The following PPIE variants were observed in gnomAD, a reference collection of about 807,000 sequenced individuals.
PPIE encodes peptidylprolyl isomerase E.
Under a neutral mutation model 38.4 loss-of-function variants are expected in PPIE, and 20 were observed. The ratio of observed to expected loss-of-function variants is 0.52; its 90% CI spans 0.37 to 0.76. The LOEUF (loss-of-function observed/expected upper bound fraction) is 0.76. Among genes scored for constraint, PPIE ranks in the 30% least tolerant of loss-of-function variants. The probability of loss-of-function intolerance (pLI) is 0.00; values close to 1 mark genes in which losing one functional copy is unlikely to be tolerated. For missense variants in PPIE, 322 were observed against 385.8 expected, an observed-to-expected ratio of 0.83 and a Z score of 1.39; for synonymous variants, 142 against 135.7, an observed-to-expected ratio of 1.05 and a Z score of -0.32.
intron 7 of PPIE, chr1:39,747,914 T>C (rs1647305495): frequency 6.7e-6 from 1 of 150,058 alleles, no homozygotes; most frequent in African/African-American, 2.5e-5. Context: ...ATCTTTGGCT[T>C]ATTTATTAAC....
rs199566801 is a variant in PPIE, at chr1:39,762,587, G to GC, written c.838-1102_838-1101insC. The GC allele has an allele frequency of 5.2e-4, 808 of 1,549,806 alleles. 2 individuals are homozygous for GC. The African/African-American group carries it at 9.5e-3, about 18-fold the overall frequency. ...AACAAAGATGGCCAAGAGAGAAACT[G>GC]GGGGAAAAGCCAAAAGGTTGAGAGC... On this transcript the variant is annotated intron_variant, in intron 9 of 9. Transcript: ENST00000356511.
At chr1:39,760,248 C>G (rs1300095070), downstream of PPIE, 4 of 1,127,292 alleles carry the variant, frequency 3.5e-6, no homozygotes, top group Non-Finnish European at 4.9e-6. Flanking sequence ...CCTGGCAGGG[C>G]AAGGGGAGCA....
chr1:39,742,129 T>C, intron 4 of PPIE: 1 of 561,556 alleles, frequency 1.8e-6, no homozygotes. Flanking sequence ...ATGTAAGTCC[T>C]CATCATCCTT....
intron 8 of PPIE, among the ~76,000 whole-genome samples, chr1:39,750,564 C>T (rs1647617462): frequency 6.6e-6 from 1 of 152,192 alleles, no homozygotes; most frequent in African/African-American, 2.4e-5. Context: ...AGTATCATAT[C>T]AGTGCTCGTG....
At chr1:39,743,181 G>A (rs369751078) in intron 4 of PPIE, 35 bp from the exon 5 acceptor site, 36 of 1,583,992 alleles carry the variant, frequency 2.3e-5, no homozygotes, top group Non-Finnish European at 3.0e-5. Flanking sequence ...TTTAACCTAA[G>A]AGAGTTTAAG....
At position 39,753,505 on chromosome 1, in the gene PPIE, C is replaced by T; in HGVS notation, c.*150C>T. 1 of 1,445,740 alleles carries T rather than the reference C, an allele frequency of 6.9e-7. No individual in the cohort carries two copies. Among genetic ancestry groups the T allele is most frequent in the Non-Finnish European group, 9.1e-7 (1 of 1,102,524 alleles). The allele number at this position is 1,445,740 out of a possible 1,614,324, so 89.6% of individuals were successfully genotyped here. On this transcript the variant is annotated 3_prime_UTR_variant, in exon 10 of 10. Transcript: ENST00000324379. ...CTTCCTCAGGGTCTGCTTGGAGCAG[C>T]TCCTCTGCAGGCACAGCCTGGACTA... is the stretch of plus-strand genomic sequence containing the variant.
At position 39,753,998 on chromosome 1, in the gene PPIE, C is replaced by G. The variant is rs1035095783; in HGVS notation, c.*643C>G. ...TCAGTGGTTCATTTGTTTATTTGTT[C>G]ACTTTCACCCTACAGATTTTAAAAA... On this transcript the variant is annotated 3_prime_UTR_variant, in exon 10 of 10. Coordinates refer to ENST00000324379, the MANE Select transcript of PPIE (RefSeq NM_006112.4). The G allele has an allele frequency of 4.1e-6, 4 of 985,280 alleles. No individual in the cohort carries two copies. Among genetic ancestry groups the G allele is most frequent in the African/African-American group, 1.7e-5 (1 of 57,234 alleles). 61.0% of individuals were successfully genotyped at this position (985,280 alleles called of 1,614,324 possible).
At chr1:39,750,982 C>T (rs138595178) in intron 8 of PPIE, among the ~76,000 whole-genome samples, 123 of 152,280 alleles carry the variant, frequency 8.1e-4, no homozygotes, top group African/African-American at 2.9e-3. Context: ...TTGTATAATA[C>T]TCGAATATGT....
chr1:39,754,328 G>T lies in PPIE; in HGVS notation c.*973G>T, dbSNP rs1000653032. 6.6e-6 allele frequency among the ~76,000 whole-genome samples: 1 copy of T among 152,176 alleles called. No individual in the cohort carries two copies. Among genetic ancestry groups the T allele is most frequent in the African/African-American group, 2.4e-5 (1 of 41,440 alleles). ...TATGTAGAAAGAGATTTATTTTAAG[G>T]AACTGGCTCAAGCAGTGGTAGGAGC... On this transcript the variant is annotated 3_prime_UTR_variant, in exon 10 of 10. Coordinates refer to ENST00000324379, the MANE Select transcript of PPIE (RefSeq NM_006112.4).
At chr1:39,741,721 CA>C (rs1444468211) in intron 3 of PPIE, 173 bp from the exon 4 acceptor site, 1 of 685,562 alleles carries the variant, frequency 1.5e-6, no homozygotes, top group Non-Finnish European at 2.5e-6. Flanking sequence ...CAAATTGTTG[CA>C]CCACCAGCTC....
At chr1:39,761,743 C>T (rs935444085), downstream of PPIE, among the ~76,000 whole-genome samples, 4 of 152,190 alleles carry the variant, frequency 2.6e-5, no homozygotes, top group African/African-American at 9.7e-5. Context: ...CTGACTGGCC[C>T]CCTCCTTCTG....
At chr1:39,756,932 C>CA (rs1648337680), downstream of PPIE, among the ~76,000 whole-genome samples, 1 of 152,150 alleles carries the variant, frequency 6.6e-6, no homozygotes, top group South Asian at 2.1e-4. Context: ...AAAAGGGGGC[C>CA]AAGCAGTTGA....
Position 39,738,896 on chromosome 1 carries a change from G to A in PPIE, c.-5G>A. 1 of 1,514,424 alleles carries A rather than the reference G, an allele frequency of 6.6e-7. No homozygotes were observed. The highest frequency in any genetic ancestry group is 1.4e-5 in the African/African-American group (1 of 69,294). 93.8% of individuals were successfully genotyped at this position (1,514,424 alleles called of 1,614,324 possible). A position where few individuals can be genotyped will look rare whatever the true frequency, so the allele number is the denominator to read the frequency against. On this transcript the variant is annotated 5_prime_UTR_variant, in exon 1 of 10. Coordinates refer to ENST00000324379, the MANE Select transcript of PPIE (RefSeq NM_006112.4). ...TGGCTTCCGGCGGAAAAGCGCGCGA[G>A]CAAGATGGCCACCACCAAGCGCGTC... is the stretch of plus-strand genomic sequence containing the variant.
At position 39,753,950 on chromosome 1, in the gene PPIE, C is replaced by T. The variant is rs2124373938; in HGVS notation, c.*595C>T. Reference sequence around the variant, plus strand: ...CTCTGCTCCTAAACCCAGCTGCCGGCCTTACAGCCAGCAAGTGTACTCTCA... The same window carrying T: ...CTCTGCTCCTAAACCCAGCTGCCGGTCTTACAGCCAGCAAGTGTACTCTCA... On this transcript the variant is annotated 3_prime_UTR_variant, in exon 10 of 10. Transcript: ENST00000324379. 1 of 985,430 alleles carries T rather than the reference C, an allele frequency of 1.0e-6. No homozygotes were observed. Among genetic ancestry groups the T allele is most frequent in the African/African-American group, 1.7e-5 (1 of 57,356 alleles). The allele number at this position is 985,430 out of a possible 1,614,324, so 61.0% of individuals were successfully genotyped here.
At chr1:39,763,129 C>G in intron 9 of PPIE, 2 of 1,614,080 alleles carry the variant, frequency 1.2e-6, no homozygotes, top group Non-Finnish European at 1.7e-6. Flanking sequence ...GGCATTCATG[C>G]AGGAGTCCAG....
At position 39,755,043 on chromosome 1, in the gene PPIE, C is replaced by A. The variant is rs139051420; in HGVS notation, c.*1688C>A. 374 of 985,494 alleles carry A rather than the reference C, an allele frequency of 3.8e-4. 4 individuals carry two copies. In the Admixed American group the frequency reaches 0.015, roughly 41 times the overall value. The allele number at this position is 985,494 out of a possible 1,614,324, so 61.0% of individuals were successfully genotyped here. On this transcript the variant is annotated 3_prime_UTR_variant, in exon 10 of 10. Transcript: ENST00000324379. ...TGAAGAGAACAAATGGTCCCACCCC[C>A]TGCTGAGCTCACAGTCTGGCTCTCC...
At chr1:39,747,831 C>G (rs1386067566) in intron 7 of PPIE, 1 of 152,174 alleles carries the variant, frequency 6.6e-6, no homozygotes, top group Non-Finnish European at 1.5e-5. Flanking sequence ...TCCCTACTGA[C>G]TAATGATGTT....
In PPIE at chr1:39,755,345, T is replaced by G; in HGVS notation, c.*1990T>G. The G allele has an allele frequency of 3.0e-6, 3 of 985,448 alleles. No homozygotes were observed. In the South Asian group the frequency reaches 1.4e-4, roughly 46 times the overall value. The allele number at this position is 985,448 out of a possible 1,614,324, so 61.0% of individuals were successfully genotyped here. A position where few individuals can be genotyped will look rare whatever the true frequency, so the allele number is the denominator to read the frequency against. On this transcript the variant is annotated 3_prime_UTR_variant, in exon 10 of 10. Transcript: ENST00000324379. ...TAGCTCTTGCTGAGGGATGGTGGCATTCTGCCCTACCTCTGGCTCCCATGT... is the reference window on the plus strand; with the variant it reads ...TAGCTCTTGCTGAGGGATGGTGGCAGTCTGCCCTACCTCTGGCTCCCATGT...
At chr1:39,748,557 T>C (rs1647360671) in intron 7 of PPIE, 1 of 235,668 alleles carries the variant, frequency 4.2e-6, no homozygotes, top group African/African-American at 2.4e-5. Context: ...GCCAACATAG[T>C]GAAACCCCAT....
Sources: allele counts gnomAD v4.1 joint callset (sites outside exome capture counted in the v4.1 genomes callset), GRCh38; gene constraint gnomAD v4.1.1; transcripts MANE v1.5; gene names NCBI Gene and HGNC (gene_info 2026-07-23, HGNC 2026-07-21).